Variants in WDR70 observed in about 807,000 individuals in gnomAD.
WDR70 encodes WD repeat domain 70.
WDR70 carries 53 observed loss-of-function variants against 88.6 expected under a neutral mutation model. The ratio of observed to expected loss-of-function variants is 0.60; its 90% CI spans 0.48 to 0.75. WDR70 has a LOEUF of 0.75. WDR70 is among the 30% of genes least tolerant of loss of function. The pLI is 0.00. For synonymous variants in WDR70, 280 were observed against 270.0 expected (o/e 1.04, Z -0.36); for missense variants, 610 against 823.2 (o/e 0.74, Z 3.17).
At chr5:37,738,913 C>G (rs191727912) in intron 17 of WDR70, among the ~76,000 whole-genome samples, 2 of 152,290 alleles carry the variant, frequency 1.3e-5, no homozygotes, top group Admixed American at 1.3e-4. Flanking sequence ...TTAGCAAATG[C>G]AGAGTTACCG....
chr5:37,655,322 T>C (rs1745521858), intron 10 of WDR70, among the ~76,000 whole-genome samples: 1 of 152,230 alleles, frequency 6.6e-6, no homozygotes, highest in Non-Finnish European at 1.5e-5. Context: ...GTTAGTCTGA[T>C]GGGCTTCCTT....
intron 10 of WDR70, among the ~76,000 whole-genome samples, chr5:37,694,559 A>C (rs1208026933): frequency 2.0e-5 from 3 of 152,196 alleles, no homozygotes; most frequent in African/African-American, 7.2e-5. Flanking sequence ...ACATGGATGA[A>C]GTTGGAAACC....
chr5:37,610,947 T>C (rs141278714), intron 10 of WDR70, among the ~76,000 whole-genome samples: 1 of 152,308 alleles, frequency 6.6e-6, no homozygotes, highest in East Asian at 1.9e-4. Context: ...CAAAACAGTC[T>C]TGAATCTTCT....
intron 10 of WDR70, among the ~76,000 whole-genome samples, chr5:37,608,880 C>T (rs1744109196): frequency 6.6e-6 from 1 of 152,136 alleles, no homozygotes; most frequent in South Asian, 2.1e-4. Flanking sequence ...CTGTTTCCTT[C>T]TAGTAGGATA....
At chr5:37,668,785 C>T (rs118033015) in intron 10 of WDR70, among the ~76,000 whole-genome samples, 26 of 152,218 alleles carry the variant, frequency 1.7e-4, no homozygotes, top group African/African-American at 6.3e-4. Flanking sequence ...TTGAGATGAC[C>T]AAACAGGCAT....
intron 7 of WDR70, among the ~76,000 whole-genome samples, chr5:37,444,652 C>T (rs902723899): frequency 3.9e-5 from 6 of 152,106 alleles, no homozygotes; most frequent in African/African-American, 1.4e-4. Flanking sequence ...CCATAAGACA[C>T]TCTCTTTTCT....
At chr5:37,681,066 A>G (rs1374386672) in intron 10 of WDR70, among the ~76,000 whole-genome samples, 1 of 152,190 alleles carries the variant, frequency 6.6e-6, no homozygotes, top group Non-Finnish European at 1.5e-5. Context: ...CTTCCTATCC[A>G]TGAGCATGGA....
chr5:37,563,116 T>G lies in WDR70; in HGVS notation c.918-41948T>G, dbSNP rs867849520. 1.8e-4 allele frequency among the ~76,000 whole-genome samples: 8 copies of G among 45,408 alleles called. 2 individuals carry two copies. The highest frequency in any genetic ancestry group is 2.6e-4 in the African/African-American group (4 of 15,256). 29.8% of individuals were successfully genotyped at this position (45,408 alleles called of 152,430 possible). On this transcript the variant is annotated intron_variant, in intron 9 of 17. Transcript: ENST00000265107. ...CTCCCTCCCGGACGGGGCGGCTGGCTGGGCGGGGGGCTGACCTCCCGGCCT... is the reference window on the plus strand; with the variant it reads ...CTCCCTCCCGGACGGGGCGGCTGGCGGGGCGGGGGGCTGACCTCCCGGCCT...
intron 9 of WDR70, among the ~76,000 whole-genome samples, chr5:37,570,665 G>C (rs1742874750): frequency 6.6e-6 from 1 of 152,164 alleles, no homozygotes; most frequent in Non-Finnish European, 1.5e-5. Context: ...ATGTGTCAAA[G>C]ATCTGAGAAT....
chr5:37,487,939 T>G (rs902548261), intron 8 of WDR70, among the ~76,000 whole-genome samples: 2 of 152,084 alleles, frequency 1.3e-5, no homozygotes, highest in African/African-American at 4.8e-5. Context: ...TTGTTACTCT[T>G]TTGCCTCCAG....
intron 5 of WDR70, among the ~76,000 whole-genome samples, chr5:37,415,371 C>A (rs1461789334): frequency 7.4e-6 from 1 of 135,850 alleles, no homozygotes; most frequent in Non-Finnish European, 1.7e-5. Context: ...GGCAGAGGCA[C>A]CCCTCACCTC....
intron 8 of WDR70, among the ~76,000 whole-genome samples, chr5:37,484,975 G>C (rs188263451): frequency 1.7e-4 from 26 of 152,278 alleles, no homozygotes; most frequent in Admixed American, 1.6e-3. Context: ...TGATAGTATA[G>C]ATAAACATAC....
chr5:37,423,564 CTTTTT>C (rs374709152), intron 5 of WDR70, among the ~76,000 whole-genome samples: 2 of 118,424 alleles, frequency 1.7e-5, no homozygotes, highest in Admixed American at 8.8e-5. Flanking sequence ...TTTTTTTTGT[CTTTTT>C]TTTTTTTTTT....
intron 9 of WDR70, among the ~76,000 whole-genome samples, chr5:37,545,245 T>C (rs1741950169): frequency 6.6e-6 from 1 of 152,154 alleles, no homozygotes; most frequent in South Asian, 2.1e-4. Flanking sequence ...TTCCTTCAGT[T>C]TTCTGCTTCT....
chr5:37,415,882 G>A lies in WDR70; in HGVS notation c.492+19312G>A, dbSNP rs1749725182. Among the ~76,000 whole-genome samples, 2 of 151,020 alleles carry A rather than the reference G, an allele frequency of 1.3e-5. 1 individual carries two copies. The highest frequency in any genetic ancestry group is 4.2e-4 in the South Asian group (2 of 4,768). On this transcript the variant is annotated intron_variant, in intron 5 of 17. Transcript: ENST00000265107. ...CCTCACATCCCAGACGGGGCGGCGG[G>A]GCAGAGACGCTCCCCACATCTCAGA...
At chr5:37,509,749 T>C (rs1351273085) in intron 8 of WDR70, among the ~76,000 whole-genome samples, 1 of 151,950 alleles carries the variant, frequency 6.6e-6, no homozygotes, top group Non-Finnish European at 1.5e-5. Context: ...TTTTTCTCGT[T>C]TTTCAACAGG....
intron 10 of WDR70, among the ~76,000 whole-genome samples, chr5:37,607,833 C>A (rs1237603334): frequency 1.3e-5 from 2 of 152,118 alleles, no homozygotes; most frequent in African/African-American, 4.8e-5. Context: ...AGAAGAAGGC[C>A]TCTTCAGAGA....
Position 37,701,288 on chromosome 5 carries a change from A to G in WDR70, c.1277+146A>G, listed in dbSNP as rs183855366. On this transcript the variant is annotated intron_variant, in intron 12 of 17. Coordinates refer to ENST00000265107, the MANE Select transcript of WDR70 (RefSeq NM_018034.4). ...GATCAAAATCTGTTTTTTGAAAAAT[A>G]TGTATTTTTTTTATTTTTCACATTC... is the stretch of plus-strand genomic sequence containing the variant. The G allele has an allele frequency of 1.9e-5, 11 of 565,786 alleles. No individual in the cohort carries two copies. In the Admixed American group the frequency reaches 2.5e-4, roughly 13 times the overall value. 35.0% of individuals were successfully genotyped at this position (565,786 alleles called of 1,614,324 possible). A position where few individuals can be genotyped will look rare whatever the true frequency, so the allele number is the denominator to read the frequency against.
rs547635577 is a variant in WDR70 at position 37,504,996 on chromosome 5, A to G, written c.841-11518A>G. Among the ~76,000 whole-genome samples the G allele has an allele frequency of 5.3e-5, 8 of 152,354 alleles. No individual in the cohort carries two copies. The South Asian group carries it at 1.4e-3, about 28-fold the overall frequency. ...TTTGTTTTAAAAAAACCCAAAAAATATAAGTAAAAGAATCACAGGTGCTGA... is the reference window on the plus strand; with the variant it reads ...TTTGTTTTAAAAAAACCCAAAAAATGTAAGTAAAAGAATCACAGGTGCTGA... On this transcript the variant is annotated intron_variant, in intron 8 of 17. Transcript: ENST00000265107.
Sources: gnomAD v4.1 joint callset for allele counts (sites outside exome capture counted in the v4.1 genomes callset) on GRCh38, gnomAD v4.1.1 for gene constraint, MANE v1.5 for transcripts, NCBI Gene and HGNC (gene_info 2026-07-23, HGNC 2026-07-21) for gene names.